COL4A2: variants seen among roughly 807,000 people sequenced by gnomAD.
The protein encoded by COL4A2 is collagen alpha-2(IV) chain.
COL4A2 carries 99 observed loss-of-function variants against 200.2 expected under a neutral mutation model. The ratio of observed to expected loss-of-function variants is 0.49; its 90% CI spans 0.42 to 0.58. The LOEUF (loss-of-function observed/expected upper bound fraction) is 0.58, where lower values mean the gene tolerates loss of function less well. COL4A2 is among the 20% of genes least tolerant of loss of function. The pLI, the probability that COL4A2 is intolerant of heterozygous loss-of-function variation, is 0.00. For synonymous variants in COL4A2, 897 were observed against 900.6 expected, an observed-to-expected ratio of 1.00 and a Z score of 0.07; for missense variants, 1,950 against 2,314.1, an observed-to-expected ratio of 0.84 and a Z score of 3.23.
chr13:110,371,821 T>C (rs1878022650), intron 4 of COL4A2, among the ~76,000 whole-genome samples: 1 of 152,182 alleles, frequency 6.6e-6, no homozygotes, highest in Non-Finnish European at 1.5e-5. Flanking sequence ...GGGTCTGACG[T>C]TGGCCGTGCC....
chr13:110,368,543 T>C (rs1877853281), intron 4 of COL4A2, among the ~76,000 whole-genome samples: 1 of 152,216 alleles, frequency 6.6e-6, no homozygotes, highest in Non-Finnish European at 1.5e-5. Flanking sequence ...TTTCTTTCTA[T>C]TTCCTTATCA....
intron 3 of COL4A2, among the ~76,000 whole-genome samples, chr13:110,355,384 TG>T (rs1200497862): frequency 3.1e-5 from 2 of 64,854 alleles, no homozygotes; most frequent in South Asian, 6.9e-4. Flanking sequence ...CTCACCTGTG[TG>T]GGGGGAGGGC....
intron 29 of COL4A2, among the ~76,000 whole-genome samples, chr13:110,475,362 G>A (rs9588180): frequency 0.046 from 6,952 of 152,302 alleles, 487 homozygotes; most frequent in African/African-American, 0.16. Context: ...AAGGACATAC[G>A]TAGGTGACTC....
chr13:110,309,519 TACC>T lies in COL4A2; in HGVS notation c.99+1399_99+1401del, dbSNP rs10562748. Among the ~76,000 whole-genome samples the T allele has an allele frequency of 6.8e-3, 1,041 of 152,320 alleles. 11 individuals are homozygous for T. Among genetic ancestry groups the T allele is most frequent in the African/African-American group, 0.024 (985 of 41,562 alleles). On this transcript the variant is annotated intron_variant, in intron 3 of 47. Transcript: ENST00000360467. ...AAAGAAGGGGGCGATCCCTAGAAAA[TACC>T]ACATCGGGCTGTGTGTGCTTTGGTT...
At position 110,450,438 on chromosome 13, in the gene COL4A2, A is replaced by G. The variant is rs556539696; in HGVS notation, c.1323A>G (p.Gly441=). The part of the protein sequence containing the change: ...RGPPGPPGLP[G]PPGPDGFLFG... ...CTCCAGGACCCCCCGGGCTCCCTGG[A>G]CCACCTGGACCTGATGGTGAGTGGA... Residue 441 remains glycine, a synonymous_variant, in exon 20 of 48, where the codon GGA becomes GGG. Coordinates refer to ENST00000360467, the MANE Select transcript of COL4A2 (RefSeq NM_001846.4). The G allele has an allele frequency of 5.6e-6, 9 of 1,613,790 alleles. No homozygotes were observed. The South Asian group carries it at 9.9e-5, about 18-fold the overall frequency.
chr13:110,336,302 A>G (rs1876185441), intron 3 of COL4A2, among the ~76,000 whole-genome samples: 1 of 152,244 alleles, frequency 6.6e-6, no homozygotes, highest in African/African-American at 2.4e-5. Context: ...ATGGCGCTGC[A>G]CTCGGAAAGT....
chr13:110,499,136 A>G (rs1270388173), intron 40 of COL4A2, among the ~76,000 whole-genome samples: 2 of 152,252 alleles, frequency 1.3e-5, no homozygotes, highest in African/African-American at 4.8e-5. Context: ...CTCTTCTCTC[A>G]AAATATGGGA....
chr13:110,388,592 T>C (rs1878862646), intron 4 of COL4A2, among the ~76,000 whole-genome samples: 1 of 152,134 alleles, frequency 6.6e-6, no homozygotes, highest in Non-Finnish European at 1.5e-5. Context: ...ACTTGCGACT[T>C]TAAATATGGC....
chr13:110,387,719 CAAG>C, intron 4 of COL4A2, among the ~76,000 whole-genome samples: 2 of 152,216 alleles, frequency 1.3e-5, no homozygotes, highest in African/African-American at 2.4e-5. Context: ...GCAATGGGGC[CAAG>C]TAGGCAGCCT....
intron 4 of COL4A2, among the ~76,000 whole-genome samples, chr13:110,384,423 A>G (rs1344266386): frequency 6.6e-6 from 1 of 152,218 alleles, no homozygotes; most frequent in East Asian, 1.9e-4. Context: ...TCCCAAGGGA[A>G]CTTAACCAGT....
chr13:110,507,949 T>C lies in COL4A2; in HGVS notation c.4609T>C (p.Cys1537Arg). The C allele has an allele frequency of 6.2e-7, 1 of 1,613,758 alleles. No homozygotes were observed. The highest frequency in any genetic ancestry group is 1.1e-5 in the South Asian group (1 of 91,086). Residue 1537 changes from cysteine (C) to arginine (R), a missense_variant, in exon 47 of 48, where the codon TGC becomes CGC. Cys to Arg is a radical substitution (Grantham distance 180, BLOSUM62 -3). Transcript: ENST00000360467. ...TCCTTCCACAGGGCTGGCGGGCTCC[T>C]GCCTGGCGCGGTTCAGCACCATGCC... ...HNQDLGLAGS[C>R]LARFSTMPFL...
At chr13:110,341,328 G>A (rs1025257073) in intron 3 of COL4A2, among the ~76,000 whole-genome samples, 3 of 152,216 alleles carry the variant, frequency 2.0e-5, no homozygotes, top group African/African-American at 2.4e-5. Flanking sequence ...GCTGCTGGCC[G>A]TCCAGCCCCT....
At chr13:110,334,273 G>C (rs1019045439) in intron 3 of COL4A2, among the ~76,000 whole-genome samples, 1 of 152,086 alleles carries the variant, frequency 6.6e-6, no homozygotes, top group African/African-American at 2.4e-5. Context: ...ACTCTGCTTG[G>C]TTTGTTTGTT....
chr13:110,455,495 G>A (rs1405990382), intron 20 of COL4A2, among the ~76,000 whole-genome samples: 1 of 152,062 alleles, frequency 6.6e-6, no homozygotes, highest in East Asian at 1.9e-4. Flanking sequence ...CCCCAGCACG[G>A]GCCATAATTT....
Position 110,439,847 on chromosome 13 carries a change from A to C in COL4A2, c.957+14A>C, listed in dbSNP as rs766315511. On this transcript the variant is annotated intron_variant, in intron 16 of 47. Transcript: ENST00000360467. ...CCAGGACAGAAGGTAAGTTGGATGC[A>C]TGAACTGCAGTCTGCTCTGGGCCCA... The C allele has an allele frequency of 6.2e-7, 1 of 1,613,970 alleles. No individual in the cohort carries two copies. The highest frequency in any genetic ancestry group is 8.5e-7 in the Non-Finnish European group (1 of 1,179,954).
chr13:110,407,342 A>G (rs1381880926), intron 4 of COL4A2, among the ~76,000 whole-genome samples: 3 of 152,216 alleles, frequency 2.0e-5, no homozygotes, highest in Non-Finnish European at 2.9e-5. Flanking sequence ...TGGAAAGGCC[A>G]GTGTAGCGAG....
In COL4A2 at chr13:110,512,619, C is replaced by T. The variant is rs890098962; in HGVS notation, c.*428C>T. On this transcript the variant is annotated 3_prime_UTR_variant, in exon 48 of 48. Coordinates refer to ENST00000360467, the MANE Select transcript of COL4A2 (RefSeq NM_001846.4). ...CGAGGGGCTCAGGGCCTCAGGCACC[C>T]GTCCCCACACGAGGGCCCCGTGGGT... The T allele has an allele frequency of 9.0e-5, 16 of 178,562 alleles. No homozygotes were observed. The highest frequency in any genetic ancestry group is 1.3e-4 in the Non-Finnish European group (11 of 85,928). The allele number at this position is 178,562 out of a possible 1,614,324, so 11.1% of individuals were successfully genotyped here.
At chr13:110,367,167 A>C (rs1019250509) in intron 4 of COL4A2, among the ~76,000 whole-genome samples, 11 of 152,218 alleles carry the variant, frequency 7.2e-5, no homozygotes, top group African/African-American at 2.4e-4. Flanking sequence ...TGAGCGTGTG[A>C]AAAATCCCCA....
At chr13:110,501,019 C>T (rs1239366542) in intron 40 of COL4A2, among the ~76,000 whole-genome samples, 4 of 152,212 alleles carry the variant, frequency 2.6e-5, no homozygotes, top group Admixed American at 2.6e-4. Flanking sequence ...GTATGAGCTG[C>T]AGCAAGAAGG....
Sources: gnomAD v4.1 joint callset for allele counts (sites outside exome capture counted in the v4.1 genomes callset) on GRCh38, gnomAD v4.1.1 for gene constraint, MANE v1.5 for transcripts, NCBI Gene and HGNC (gene_info 2026-07-23, HGNC 2026-07-21) for gene names.